Variants in VAV3 observed in about 807,000 individuals in gnomAD.
VAV3 encodes vav guanine nucleotide exchange factor 3.
VAV3 carries 94 observed loss-of-function variants against 131.2 expected under a neutral mutation model. That is an observed-to-expected ratio of 0.72 (90% confidence interval 0.61 to 0.85). The LOEUF (loss-of-function observed/expected upper bound fraction) is 0.85. VAV3 is among the 40% of genes least tolerant of loss of function. VAV3 has a pLI of 0.00. For synonymous variants in VAV3, 349 were observed against 342.0 expected, an observed-to-expected ratio of 1.02 and a Z score of -0.22; for missense variants, 939 against 1,002.7, an observed-to-expected ratio of 0.94 and a Z score of 0.86.
intron 25 of VAV3, among the ~76,000 whole-genome samples, chr1:107,591,224 C>A (rs1558071395): frequency 6.6e-6 from 1 of 152,112 alleles, no homozygotes; most frequent in Admixed American, 6.6e-5. Context: ...GGCTAAATGG[C>A]CCTGCTCCCA....
chr1:107,911,866 C>G (rs1310141330), intron 1 of VAV3, among the ~76,000 whole-genome samples: 1 of 152,176 alleles, frequency 6.6e-6, no homozygotes, highest in Non-Finnish European at 1.5e-5. Context: ...ATTCCTCTGT[C>G]CATCAATTAC....
intron 25 of VAV3, among the ~76,000 whole-genome samples, chr1:107,589,382 G>T (rs1650760961): frequency 6.6e-6 from 1 of 152,194 alleles, no homozygotes; most frequent in Non-Finnish European, 1.5e-5. Flanking sequence ...ACACACAGAA[G>T]GTGACGTGAA....
At chr1:107,856,524 C>T (rs540660398) in intron 2 of VAV3, among the ~76,000 whole-genome samples, 6 of 151,128 alleles carry the variant, frequency 4.0e-5, no homozygotes, top group East Asian at 1.9e-4. Context: ...CCCCCAGGAC[C>T]GAAATATTAA....
chr1:107,696,159 C>T lies in VAV3; in HGVS notation c.1706-7753G>A, dbSNP rs1557770110. Among the ~76,000 whole-genome samples, 4 of 152,286 alleles carry T rather than the reference C, an allele frequency of 2.6e-5. No homozygotes were observed. The East Asian group carries it at 5.8e-4, about 22-fold the overall frequency. ...TATCTGTATAAGCAAGCATTATCTA[C>T]AATCTGCAGGGAACCAACAGTATTA... is the stretch of plus-strand genomic sequence containing the variant. On this transcript the variant is annotated intron_variant, in intron 17 of 26. Transcript: ENST00000370056.
At chr1:107,671,877 T>G (rs1657825268) in intron 19 of VAV3, among the ~76,000 whole-genome samples, 1 of 152,234 alleles carries the variant, frequency 6.6e-6, no homozygotes. Context: ...TGACATGCTT[T>G]GCACAAGATA....
At chr1:107,772,429 T>C (rs1665099959) in intron 5 of VAV3, among the ~76,000 whole-genome samples, 1 of 152,206 alleles carries the variant, frequency 6.6e-6, no homozygotes. Flanking sequence ...TATAATTTCA[T>C]GATTCCCTAA....
chr1:107,619,964 C>T (rs923538520), intron 20 of VAV3, among the ~76,000 whole-genome samples: 8 of 152,222 alleles, frequency 5.3e-5, no homozygotes, highest in Non-Finnish European at 7.3e-5. Flanking sequence ...CCTACTCTGT[C>T]ATCTCTTCCC....
chr1:107,908,260 A>C (rs1275950968), intron 1 of VAV3, among the ~76,000 whole-genome samples: 4 of 152,196 alleles, frequency 2.6e-5, no homozygotes, highest in Non-Finnish European at 4.4e-5. Flanking sequence ...GTGGGGATAG[A>C]TGTTAGGGTG....
At chr1:107,675,090 G>A (rs751113685) in intron 19 of VAV3, among the ~76,000 whole-genome samples, 2 of 152,186 alleles carry the variant, frequency 1.3e-5, no homozygotes, top group Non-Finnish European at 2.9e-5. Context: ...GTGAAGTATT[G>A]TAAGAAACCC....
intron 13 of VAV3, among the ~76,000 whole-genome samples, chr1:107,750,608 C>G (rs1185897121): frequency 6.6e-6 from 1 of 152,144 alleles, no homozygotes. Flanking sequence ...TTCCAGAAAA[C>G]AATCATTGTC....
At chr1:107,789,127 T>TA (rs1275702169) in intron 2 of VAV3, among the ~76,000 whole-genome samples, 1 of 152,190 alleles carries the variant, frequency 6.6e-6, no homozygotes, top group Non-Finnish European at 1.5e-5. Flanking sequence ...TGATCTGAAA[T>TA]AGACTTGGAG....
chr1:107,615,494 C>A (rs1327165605), intron 21 of VAV3, among the ~76,000 whole-genome samples: 1 of 151,992 alleles, frequency 6.6e-6, no homozygotes, highest in Admixed American at 6.6e-5. Flanking sequence ...GCTATAAAAC[C>A]CCTGAAGGAT....
intron 15 of VAV3, among the ~76,000 whole-genome samples, chr1:107,712,272 T>C (rs1660833223): frequency 6.6e-6 from 1 of 152,024 alleles, no homozygotes. Context: ...GTCCAGCCCA[T>C]GGTCTGCAGG....
Position 107,779,430 on chromosome 1 carries a change from T to G in VAV3, c.380+4A>C. The G allele has an allele frequency of 6.3e-7, 1 of 1,586,996 alleles. No individual in the cohort carries two copies. Among genetic ancestry groups the G allele is most frequent in the Non-Finnish European group, 8.6e-7 (1 of 1,167,178 alleles). On this transcript the variant is annotated splice_donor_region_variant and intron_variant, in intron 3 of 26. Coordinates refer to ENST00000370056, the MANE Select transcript of VAV3 (RefSeq NM_006113.5). ...GACACATGAACAACGAAAACAGAGC[T>G]TACCTGATTCCTGTGGCCAATGCTA... is the stretch of plus-strand genomic sequence containing the variant.
chr1:107,795,935 C>T (rs1666517319), intron 2 of VAV3, among the ~76,000 whole-genome samples: 1 of 152,196 alleles, frequency 6.6e-6, no homozygotes, highest in African/African-American at 2.4e-5. Flanking sequence ...ATACTGATCT[C>T]ACCTCATTGC....
intron 5 of VAV3, 35 bp downstream of exon 5, chr1:107,772,700 T>C (rs773529666): frequency 6.5e-7 from 1 of 1,541,484 alleles, no homozygotes; most frequent in Non-Finnish European, 8.9e-7. Context: ...TAATAAAATA[T>C]TCAGAGTAAC....
chr1:107,874,422 C>T (rs7527438), intron 2 of VAV3, among the ~76,000 whole-genome samples: 5,500 of 152,236 alleles, frequency 0.036, 122 homozygotes, highest in Middle Eastern at 0.11. Context: ...TTCTCTGAGT[C>T]ACCCAACCAA....
chr1:107,873,290 A>G (rs1043383592), intron 2 of VAV3, among the ~76,000 whole-genome samples: 1 of 152,152 alleles, frequency 6.6e-6, no homozygotes, highest in Non-Finnish European at 1.5e-5. Flanking sequence ...CATGCATTTT[A>G]AAGTATTTAT....
intron 2 of VAV3, among the ~76,000 whole-genome samples, chr1:107,814,508 T>C (rs1667481442): frequency 6.6e-6 from 1 of 151,854 alleles, no homozygotes; most frequent in Non-Finnish European, 1.5e-5. Context: ...ACTGTTGAGT[T>C]CCCAGTATAT....
Sources: gnomAD v4.1 joint callset for allele counts (sites outside exome capture counted in the v4.1 genomes callset) on GRCh38, gnomAD v4.1.1 for gene constraint, MANE v1.5 for transcripts, NCBI Gene and HGNC (gene_info 2026-07-23, HGNC 2026-07-21) for gene names.